The following BNC2 variants were observed in gnomAD, a reference collection of about 807,000 sequenced individuals.
BNC2 encodes zinc finger protein basonuclin-2.
Under a neutral mutation model 76.3 loss-of-function variants are expected in BNC2, and 20 were observed. The ratio of observed to expected loss-of-function variants is 0.26; its 90% CI spans 0.18 to 0.38. BNC2 has a LOEUF of 0.38. Among genes scored for constraint, BNC2 ranks in the 10% least tolerant of loss-of-function variants. BNC2 has a pLI of 1.00. For missense variants in BNC2, 1,382 were observed against 1,399.8 expected, an observed-to-expected ratio of 0.99 and a Z score of 0.20; for synonymous variants, 582 against 514.8, an observed-to-expected ratio of 1.13 and a Z score of -1.77.
chr9:16,850,678 T>G (rs926732069), intron 1 of BNC2, among the ~76,000 whole-genome samples: 2 of 152,136 alleles, frequency 1.3e-5, no homozygotes, highest in African/African-American at 4.8e-5. Context: ...GAGACTAGCC[T>G]GAACAATACC....
At chr9:16,798,035 C>G (rs1428173256) in intron 1 of BNC2, among the ~76,000 whole-genome samples, 1 of 152,186 alleles carries the variant, frequency 6.6e-6, no homozygotes, top group African/African-American at 2.4e-5. Context: ...CTGGGCATTC[C>G]TGCTGATTCT....
intron 1 of BNC2, among the ~76,000 whole-genome samples, chr9:16,752,536 T>TA (rs777952322): frequency 6.6e-6 from 1 of 152,224 alleles, no homozygotes; most frequent in Non-Finnish European, 1.5e-5. Flanking sequence ...GTAAAATTCT[T>TA]ACGCAGTCTT....
intron 1 of BNC2, among the ~76,000 whole-genome samples, chr9:16,758,275 T>A (rs993987615): frequency 6.6e-5 from 10 of 152,184 alleles, no homozygotes; most frequent in African/African-American, 2.4e-4. Flanking sequence ...TGGGTCCACC[T>A]AGAAAATCCA....
Position 16,734,405 on chromosome 9 carries a change from A to T in BNC2, c.129+3955T>A, listed in dbSNP as rs187989308. Among the ~76,000 whole-genome samples the T allele has an allele frequency of 3.9e-5, 6 of 152,108 alleles. No homozygotes were observed. The East Asian group carries it at 1.2e-3, about 30-fold the overall frequency. ...TCTTTACAGATTCAAATAGGAAGGA[A>T]AAAGCTTGTGTCATCTCTGATTGCC... On this transcript the variant is annotated intron_variant, in intron 2 of 6. Transcript: ENST00000380672.
intron 1 of BNC2, among the ~76,000 whole-genome samples, chr9:16,856,307 T>A (rs1187864734): frequency 7.1e-6 from 1 of 140,652 alleles, no homozygotes; most frequent in Non-Finnish European, 1.5e-5. Flanking sequence ...ACACACAAAT[T>A]CCAGCATATC....
intron 3 of BNC2, among the ~76,000 whole-genome samples, chr9:16,721,979 T>C (rs540045975): frequency 5.3e-5 from 8 of 152,336 alleles, no homozygotes; most frequent in African/African-American, 1.9e-4. Context: ...AATCATTAGC[T>C]ATTCACGTTT....
chr9:16,551,708 G>A (rs1199912564), intron 5 of BNC2, among the ~76,000 whole-genome samples: 1 of 152,160 alleles, frequency 6.6e-6, no homozygotes, highest in Non-Finnish European at 1.5e-5. Flanking sequence ...TCTCAACATT[G>A]ACCCCTCAAG....
At chr9:16,609,330 A>G (rs1400130208) in intron 3 of BNC2, among the ~76,000 whole-genome samples, 5 of 152,234 alleles carry the variant, frequency 3.3e-5, no homozygotes, top group East Asian at 3.9e-4. Flanking sequence ...GCAATTTCCA[A>G]TAGAGGGGGG....
intron 1 of BNC2, among the ~76,000 whole-genome samples, chr9:16,808,143 T>C (rs1817957591): frequency 1.3e-5 from 2 of 152,212 alleles, no homozygotes; most frequent in Admixed American, 6.5e-5. Context: ...TTCTGATAGC[T>C]ACAAGTGTTA....
intron 1 of BNC2, among the ~76,000 whole-genome samples, chr9:16,765,159 G>C (rs760724228): frequency 1.3e-5 from 2 of 152,094 alleles, no homozygotes; most frequent in Non-Finnish European, 2.9e-5. Flanking sequence ...AGACCCATTT[G>C]AGGGATTTTT....
Position 16,870,652 on chromosome 9 carries a change from GGCAT to G in BNC2, c.-8_-5del, listed in dbSNP as rs1819661179. The G allele has an allele frequency of 5.0e-6, 8 of 1,611,028 alleles. No individual in the cohort carries two copies. Among genetic ancestry groups the G allele is most frequent in the Non-Finnish European group, 8.5e-7 (1 of 1,178,578 alleles). On this transcript the variant is annotated 5_prime_UTR_variant, in exon 1 of 7. It removes an upstream start codon present in the reference 5' UTR. Transcript: ENST00000380672. ...GAGGGTGGAAACTTCTTACCATCTC[GGCAT>G]GCTGGTTGTCAAGTGCAGCCCCCGC...
At chr9:16,844,072 C>A (rs377344980) in intron 1 of BNC2, among the ~76,000 whole-genome samples, 3 of 151,740 alleles carry the variant, frequency 2.0e-5, no homozygotes, top group Non-Finnish European at 4.4e-5. Flanking sequence ...CCAGCCTGGG[C>A]AACATAGTGA....
At chr9:16,762,427 G>A (rs1000943237) in intron 1 of BNC2, among the ~76,000 whole-genome samples, 3 of 152,144 alleles carry the variant, frequency 2.0e-5, no homozygotes, top group Admixed American at 2.0e-4. Flanking sequence ...AATGAAAGTT[G>A]CAAGTGGGAA....
chr9:16,809,136 G>A (rs1423004479), intron 1 of BNC2, among the ~76,000 whole-genome samples: 1 of 152,084 alleles, frequency 6.6e-6, no homozygotes, highest in Non-Finnish European at 1.5e-5. Flanking sequence ...GGCTTAAATG[G>A]CCTGGGTCTA....
intron 5 of BNC2, among the ~76,000 whole-genome samples, chr9:16,514,563 A>C (rs1822835041): frequency 6.6e-6 from 1 of 152,186 alleles, no homozygotes; most frequent in Admixed American, 6.5e-5. Flanking sequence ...TGTACTAGCA[A>C]TCTGTTATCT....
intron 3 of BNC2, among the ~76,000 whole-genome samples, chr9:16,714,333 C>T (rs539548652): frequency 6.6e-6 from 1 of 152,322 alleles, no homozygotes; most frequent in African/African-American, 2.4e-5. Flanking sequence ...CTCCATTATT[C>T]GCTACCTCTT....
chr9:16,600,682 C>G (rs1374410435), intron 3 of BNC2, among the ~76,000 whole-genome samples: 1 of 152,172 alleles, frequency 6.6e-6, no homozygotes, highest in Non-Finnish European at 1.5e-5. Context: ...TCTCCCTCCC[C>G]TAAATCAACC....
At chr9:16,775,320 G>A (rs986228948) in intron 1 of BNC2, among the ~76,000 whole-genome samples, 35 of 151,346 alleles carry the variant, frequency 2.3e-4, no homozygotes, top group Middle Eastern at 3.2e-3. Flanking sequence ...GATAAGAAGA[G>A]CAATATACAG....
intron 6 of BNC2, among the ~76,000 whole-genome samples, chr9:16,426,553 CAATATT>C (rs1294942168): frequency 2.0e-5 from 3 of 152,042 alleles, no homozygotes; most frequent in African/African-American, 7.2e-5. Context: ...GTAGGACAAT[CAATATT>C]AGTATTTAGC....
Sources: allele counts gnomAD v4.1 joint callset (sites outside exome capture counted in the v4.1 genomes callset), GRCh38; gene constraint gnomAD v4.1.1; transcripts MANE v1.5; gene names NCBI Gene and HGNC (gene_info 2026-07-23, HGNC 2026-07-21).